BBX: variants seen among roughly 807,000 people sequenced by gnomAD.
The protein encoded by BBX is HMG box transcription factor BBX.
In BBX, 30 loss-of-function variants were observed where a neutral mutation model predicts 100.2. The ratio of observed to expected loss-of-function variants is 0.30; its 90% CI spans 0.22 to 0.41. The LOEUF is 0.41. BBX is among the 10% of genes least tolerant of loss of function. The probability of loss-of-function intolerance (pLI) is 1.00; values close to 1 mark genes in which losing one functional copy is unlikely to be tolerated. For missense variants in BBX, 1,023 were observed against 1,129.8 expected, an observed-to-expected ratio of 0.91 and a Z score of 1.35; for synonymous variants, 376 against 388.1, an observed-to-expected ratio of 0.97 and a Z score of 0.37.
intron 2 of BBX, among the ~76,000 whole-genome samples, chr3:107,529,570 T>C (rs2048012335): frequency 6.6e-6 from 1 of 152,226 alleles, no homozygotes; most frequent in African/African-American, 2.4e-5. Context: ...GCTTGAAGAT[T>C]CTGTGACTGT....
intron 9 of BBX, among the ~76,000 whole-genome samples, chr3:107,751,802 C>T (rs961836445): frequency 3.3e-5 from 5 of 152,300 alleles, no homozygotes; most frequent in Non-Finnish European, 5.9e-5. Flanking sequence ...AGGTGAGACT[C>T]ATATTTCATC....
In BBX at chr3:107,801,253, G is replaced by A. The variant is rs1253675200; in HGVS notation, c.2710G>A (p.Glu904Lys). 6.2e-7 allele frequency: 1 copy of A among 1,614,006 alleles called. No homozygotes were observed. Among genetic ancestry groups the A allele is most frequent in the Non-Finnish European group, 8.5e-7 (1 of 1,180,016 alleles). ...SAFFSLAALA[E>K]VAAMENVHRG... ...GTTCTTTAGCCTCGCTGCGCTGGCT[G>A]AAGTGGCAGCCATGGAAAATGTGCA... is the stretch of plus-strand genomic sequence containing the variant. The change falls in exon 17 of 18, where the codon GAA (glutamate) becomes AAA (lysine). Residue 904 changes from glutamate to lysine, a missense_variant. Glu to Lys is a moderately conservative substitution (Grantham distance 56, BLOSUM62 1). This residue lies in a region of BBX where 104 missense variants were observed against 132.2 expected (regional missense o/e 0.79). Coordinates refer to ENST00000325805, the MANE Select transcript of BBX (RefSeq NM_001142568.3).
At chr3:107,656,789 G>T (rs1407774346) in intron 3 of BBX, among the ~76,000 whole-genome samples, 1 of 152,162 alleles carries the variant, frequency 6.6e-6, no homozygotes, top group Non-Finnish European at 1.5e-5. Flanking sequence ...TCAAGATCAG[G>T]ATGTGGTAAT....
Position 107,791,377 on chromosome 3 carries a change from T to C in BBX, c.2353+78T>C, listed in dbSNP as rs1466805019. Reference sequence around the variant, plus strand: ...AAGTTGTATAGGTTTTTAAAAGGTATAATTTATATAGGTTTAAACAACAGC... The same window carrying C: ...AAGTTGTATAGGTTTTTAAAAGGTACAATTTATATAGGTTTAAACAACAGC... On this transcript the variant is annotated intron_variant, in intron 15 of 17. Transcript: ENST00000325805. The C allele has an allele frequency of 3.2e-6, 4 of 1,237,940 alleles. No homozygotes were observed. The East Asian group carries it at 9.4e-5, about 29-fold the overall frequency. The allele number at this position is 1,237,940 out of a possible 1,614,324, so 76.7% of individuals were successfully genotyped here.
At position 107,773,022 on chromosome 3, in the gene BBX, G is replaced by A. The variant is rs1325931898; in HGVS notation, c.1301G>A (p.Gly434Glu). 1 of 1,613,990 alleles carries A rather than the reference G, an allele frequency of 6.2e-7. No individual in the cohort carries two copies. Among genetic ancestry groups the A allele is most frequent in the Admixed American group, 1.7e-5 (1 of 60,008 alleles). ...AAGGATCATATGTGCCATCCTCATG[G>A]AATTATGATCATTGAGGATCCCGCA... ...SRKDHMCHPH[G>E]IMIIEDPAAL... Residue 434 changes from glycine to glutamate, a missense_variant, in exon 11 of 18, where the codon GGA (glycine) becomes GAA (glutamate). By Grantham distance (98) the Gly-to-Glu change is moderately conservative. Coordinates refer to ENST00000325805, the MANE Select transcript of BBX (RefSeq NM_001142568.3). The surrounding 1 kb of genome is among the most constrained non-coding windows in gnomAD (Gnocchi z 4.1).
At chr3:107,746,855 G>C (rs1576613318) in intron 8 of BBX, among the ~76,000 whole-genome samples, 1 of 152,072 alleles carries the variant, frequency 6.6e-6, no homozygotes, top group East Asian at 1.9e-4. Flanking sequence ...AGCAGTTTTT[G>C]TGATGAAAGA....
intron 3 of BBX, among the ~76,000 whole-genome samples, chr3:107,665,051 A>G (rs1257420382): frequency 6.6e-6 from 1 of 152,014 alleles, no homozygotes; most frequent in Non-Finnish European, 1.5e-5. Flanking sequence ...TATAATTTTA[A>G]TTGTCTGATC....
chr3:107,619,112 T>C (rs1052551808), intron 2 of BBX, among the ~76,000 whole-genome samples: 1 of 152,146 alleles, frequency 6.6e-6, no homozygotes, highest in African/African-American at 2.4e-5. Flanking sequence ...TTCTTGGCGA[T>C]ATGGCACTTT....
At chr3:107,569,550 T>C (rs1486366336) in intron 2 of BBX, among the ~76,000 whole-genome samples, 3 of 152,052 alleles carry the variant, frequency 2.0e-5, no homozygotes, top group Non-Finnish European at 4.4e-5. Context: ...AGGGCGGCAA[T>C]GAGATGTGGC....
chr3:107,638,755 T>A (rs2056998924), intron 2 of BBX, among the ~76,000 whole-genome samples: 1 of 91,080 alleles, frequency 1.1e-5, no homozygotes. Context: ...ACCACTCCTC[T>A]ACCAAAAAAA....
intron 3 of BBX, chr3:107,659,596 A>G: frequency 2.4e-6 from 1 of 416,544 alleles, no homozygotes; most frequent in South Asian, 2.4e-5. Context: ...AGAGAGGTGA[A>G]ATTATCTGCC....
intron 3 of BBX, among the ~76,000 whole-genome samples, chr3:107,647,282 G>A (rs527236443): frequency 6.6e-6 from 1 of 152,282 alleles, no homozygotes; most frequent in South Asian, 2.1e-4. Context: ...ATTTGTGGCA[G>A]TATTCTGAAT....
chr3:107,778,362 T>C lies in BBX; in HGVS notation c.2055-9T>C, dbSNP rs905857754. On this transcript the variant is annotated splice_polypyrimidine_tract_variant and intron_variant, in intron 12 of 17. Transcript: ENST00000325805. ...TGTGCTGATTGATTCCCCTCTCCCC[T>C]TTTAATAGCTCCGCAAAGCTGGATG... 2.5e-6 allele frequency: 4 copies of C among 1,612,876 alleles called. No homozygotes were observed. The African/African-American group carries it at 5.3e-5, about 22-fold the overall frequency.
At chr3:107,555,799 A>C (rs1160294580) in intron 2 of BBX, among the ~76,000 whole-genome samples, 1 of 152,188 alleles carries the variant, frequency 6.6e-6, no homozygotes, top group African/African-American at 2.4e-5. Flanking sequence ...AATCTGAACA[A>C]GTAGTAATTT....
intron 2 of BBX, among the ~76,000 whole-genome samples, chr3:107,584,668 A>C (rs1486442407): frequency 8.5e-6 from 1 of 117,830 alleles, no homozygotes; most frequent in African/African-American, 3.0e-5. Context: ...TTTTCCGTTG[A>C]AATCTTTTTT....
chr3:107,641,224 A>G (rs929958017), intron 2 of BBX, among the ~76,000 whole-genome samples: 4 of 151,900 alleles, frequency 2.6e-5, no homozygotes, highest in African/African-American at 4.8e-5. Context: ...AGCTGGAACT[A>G]TAGGCCCACA....
intron 9 of BBX, among the ~76,000 whole-genome samples, chr3:107,749,250 T>C (rs1357705929): frequency 6.6e-6 from 1 of 152,232 alleles, no homozygotes; most frequent in African/African-American, 2.4e-5. Context: ...TTTCACTGTC[T>C]AGGGGAAGTA....
intron 13 of BBX, among the ~76,000 whole-genome samples, chr3:107,786,722 C>T (rs2068468936): frequency 6.6e-6 from 1 of 152,106 alleles, no homozygotes. Flanking sequence ...TTTATAACCT[C>T]AGATTTGGCA....
chr3:107,616,959 A>G (rs1342117684), intron 2 of BBX, among the ~76,000 whole-genome samples: 1 of 152,136 alleles, frequency 6.6e-6, no homozygotes, highest in Non-Finnish European at 1.5e-5. Context: ...CAATAACTCA[A>G]ATTTAACTAG....
Sources: gnomAD v4.1 joint callset for allele counts (sites outside exome capture counted in the v4.1 genomes callset) on GRCh38, gnomAD v4.1.1 for gene constraint, gnomAD v4.1.1 regional missense constraint, Gnocchi (gnomAD v3.1) non-coding constraint, MANE v1.5 for transcripts, NCBI Gene and HGNC (gene_info 2026-07-23, HGNC 2026-07-21) for gene names.